DNAAF11: variants seen among roughly 807,000 people sequenced by gnomAD.
DNAAF11 encodes the protein dynein axonemal assembly factor 11, also known as leucine rich repeat containing 6.
A neutral mutation model predicts 60.8 loss-of-function variants in DNAAF11; 45 were observed. That is an observed-to-expected ratio of 0.74 (90% confidence interval 0.58 to 0.95). The LOEUF is 0.95. Ranked by LOEUF, DNAAF11 falls within the 40% of genes least tolerant of loss-of-function variation. The pLI is 0.00. For missense variants in DNAAF11, 546 were observed against 546.2 expected (o/e 1.00, Z 0.00); for synonymous variants, 191 against 183.5 (o/e 1.04, Z -0.33).
chr8:132,589,748 C>T (rs1187984979), intron 10 of DNAAF11, among the ~76,000 whole-genome samples: 2 of 152,092 alleles, frequency 1.3e-5, no homozygotes, highest in Non-Finnish European at 2.9e-5. Context: ...GCTTTATTTG[C>T]CTACAGACCA....
intron 1 of DNAAF11, among the ~76,000 whole-genome samples, chr8:132,674,190 GAGGAGA>G (rs1825531228): frequency 7.0e-6 from 1 of 141,964 alleles, no homozygotes; most frequent in Non-Finnish European, 1.5e-5. Flanking sequence ...GAAGGAGGAG[GAGGAGA>G]AGGAGGAGGA....
At chr8:132,650,719 T>C (rs998974158) in intron 3 of DNAAF11, among the ~76,000 whole-genome samples, 30 of 152,202 alleles carry the variant, frequency 2.0e-4, no homozygotes, top group African/African-American at 7.0e-4. Flanking sequence ...GAAGATATAT[T>C]TGGGGTAATC....
chr8:132,668,080 T>C (rs922890948), intron 1 of DNAAF11, among the ~76,000 whole-genome samples: 16 of 152,196 alleles, frequency 1.1e-4, no homozygotes, highest in Non-Finnish European at 1.9e-4. Flanking sequence ...GAAAGACCTA[T>C]CAGATATGTA....
chr8:132,632,607 T>C (rs1161042128), intron 5 of DNAAF11, 133 bp downstream of exon 5: 2 of 671,674 alleles, frequency 3.0e-6, no homozygotes, highest in Non-Finnish European at 5.2e-6. Flanking sequence ...TATTCTTCCA[T>C]CCAAAATTCA....
Position 132,611,496 on chromosome 8 carries a change from A to G in DNAAF11, c.975-133T>C, listed in dbSNP as rs1683065830. The G allele has an allele frequency of 9.6e-6, 5 of 519,734 alleles. No individual in the cohort carries two copies. The South Asian group carries it at 1.5e-4, about 16-fold the overall frequency. 32.2% of individuals were successfully genotyped at this position (519,734 alleles called of 1,614,324 possible). A position where few individuals can be genotyped will look rare whatever the true frequency, so the allele number is the denominator to read the frequency against. On this transcript the variant is annotated intron_variant, in intron 8 of 11. Coordinates refer to ENST00000620350, the MANE Select transcript of DNAAF11 (RefSeq NM_012472.6). ...AAATATCCATGCAAAATGGGTCTTTAAAAAATTAGTTTTAAATTAATTCCC... is the reference window on the plus strand; with the variant it reads ...AAATATCCATGCAAAATGGGTCTTTGAAAAATTAGTTTTAAATTAATTCCC...
At chr8:132,700,042 G>T in the DNAAF11 span, among the ~76,000 whole-genome samples, 1 of 152,074 alleles carries the variant, frequency 6.6e-6, no homozygotes. Flanking sequence ...CAGTGTTGTG[G>T]TTCACAACAC....
At chr8:132,586,145 C>CG (rs1418375630) in intron 10 of DNAAF11, among the ~76,000 whole-genome samples, 1 of 151,990 alleles carries the variant, frequency 6.6e-6, no homozygotes, top group East Asian at 1.9e-4. Context: ...AGAGAGAGAA[C>CG]GGGGGGAAGG....
chr8:132,662,589 A>G (rs1824244254), intron 1 of DNAAF11, among the ~76,000 whole-genome samples: 1 of 152,196 alleles, frequency 6.6e-6, no homozygotes, highest in Non-Finnish European at 1.5e-5. Flanking sequence ...AATTCTTTGC[A>G]TGTATTAATA....
chr8:132,647,893 G>A (rs188322581), intron 3 of DNAAF11, among the ~76,000 whole-genome samples: 207 of 152,246 alleles, frequency 1.4e-3, no homozygotes, highest in Non-Finnish European at 1.9e-3. Context: ...AAAAAGTCCA[G>A]GACCAGATGG....
chr8:132,664,563 G>T (rs973405752), intron 1 of DNAAF11, among the ~76,000 whole-genome samples: 1 of 152,146 alleles, frequency 6.6e-6, no homozygotes, highest in Non-Finnish European at 1.5e-5. Context: ...CCAGGATCAA[G>T]GGATCCTCCT....
chr8:132,637,795 T>C (rs1821447964), intron 4 of DNAAF11, 140 bp downstream of exon 4: 1 of 626,366 alleles, frequency 1.6e-6, no homozygotes, highest in South Asian at 2.8e-5. Flanking sequence ...GGTCTAGCCA[T>C]TCAAATAATT....
chr8:132,616,538 C>G (rs1819176852), intron 7 of DNAAF11, among the ~76,000 whole-genome samples: 1 of 152,020 alleles, frequency 6.6e-6, no homozygotes, highest in Non-Finnish European at 1.5e-5. Flanking sequence ...AAGGGAGAAT[C>G]CAAGGTTTCT....
intron 3 of DNAAF11, among the ~76,000 whole-genome samples, chr8:132,645,016 G>A (rs1210818466): frequency 1.3e-5 from 2 of 152,194 alleles, no homozygotes; most frequent in African/African-American, 2.4e-5. Flanking sequence ...TGAGATCTGA[G>A]AATGGACAAT....
chr8:132,675,546 G>A, upstream of DNAAF11: 5 of 1,543,160 alleles, frequency 3.2e-6, no homozygotes, highest in Non-Finnish European at 4.4e-6. Context: ...CTCGAATGAC[G>A]CTTTTCACCC....
At chr8:132,637,895 T>C in intron 4 of DNAAF11, 40 bp downstream of exon 4, 5 of 1,538,006 alleles carry the variant, frequency 3.3e-6, no homozygotes, top group Non-Finnish European at 4.4e-6. Context: ...TTGCTCATGC[T>C]CATTTATCTG....
At chr8:132,664,122 T>C (rs1367818963) in intron 1 of DNAAF11, among the ~76,000 whole-genome samples, 1 of 152,270 alleles carries the variant, frequency 6.6e-6, no homozygotes, top group Non-Finnish European at 1.5e-5. Context: ...TATAACTTGA[T>C]ACATAGGCCT....
intron 10 of DNAAF11, among the ~76,000 whole-genome samples, chr8:132,594,788 T>C (rs1344644376): frequency 6.6e-6 from 1 of 152,050 alleles, no homozygotes; most frequent in Non-Finnish European, 1.5e-5. Flanking sequence ...TCCCAAGCCA[T>C]GCAGAACTTT....
rs188706800 is a variant in DNAAF11, at chr8:132,572,764, C to T, written c.1227-284G>A. Among the ~76,000 whole-genome samples, 12 of 152,148 alleles carry T rather than the reference C, an allele frequency of 7.9e-5. No homozygotes were observed. The East Asian group carries it at 2.3e-3, about 29-fold the overall frequency. ...AGACGTCACCTGTGAAACTCTACCT[C>T]GTTAAGAATTTGTATTTGATAACTG... On this transcript the variant is annotated intron_variant, in intron 11 of 11. Coordinates refer to ENST00000620350, the MANE Select transcript of DNAAF11 (RefSeq NM_012472.6).
intron 3 of DNAAF11, among the ~76,000 whole-genome samples, chr8:132,644,921 A>G (rs1822222884): frequency 6.6e-6 from 1 of 152,218 alleles, no homozygotes; most frequent in Non-Finnish European, 1.5e-5. Flanking sequence ...GCATAGTTGA[A>G]CAAAAGACAG....
Sources: gnomAD v4.1 joint callset for allele counts (sites outside exome capture counted in the v4.1 genomes callset) on GRCh38, gnomAD v4.1.1 for gene constraint, MANE v1.5 for transcripts, NCBI Gene and HGNC (gene_info 2026-07-23, HGNC 2026-07-21) for gene names.